The following NAALADL2 variants were observed in gnomAD, a reference collection of about 807,000 sequenced individuals.
NAALADL2 encodes inactive N-acetylated-alpha-linked acidic dipeptidase-like protein 2.
NAALADL2 carries 76 observed loss-of-function variants against 87.2 expected under a neutral mutation model. The ratio of observed to expected loss-of-function variants is 0.87; its 90% CI spans 0.72 to 1.05. The LOEUF is 1.05. NAALADL2 is among the 50% of genes least tolerant of loss of function. The probability of loss-of-function intolerance (pLI) is 0.00; values close to 1 mark genes in which losing one functional copy is unlikely to be tolerated. For synonymous variants in NAALADL2, 354 were observed against 331.0 expected (o/e 1.07, Z -0.75); for missense variants, 1,089 against 945.8 (o/e 1.15, Z -1.99).
At chr3:174,503,408 C>G (rs1240078426) in intron 1 of NAALADL2, among the ~76,000 whole-genome samples, 1 of 151,964 alleles carries the variant, frequency 6.6e-6, no homozygotes, top group Non-Finnish European at 1.5e-5. Flanking sequence ...TAAAACAACA[C>G]AAAAATTTTT....
intron 13 of NAALADL2, among the ~76,000 whole-genome samples, chr3:175,769,761 T>C (rs929472970): frequency 3.3e-5 from 5 of 152,050 alleles, no homozygotes; most frequent in African/African-American, 1.2e-4. Context: ...TCTCTGTGTG[T>C]GTCTGTGTGT....
intron 1 of NAALADL2, among the ~76,000 whole-genome samples, chr3:174,882,735 CTA>C (rs1224119604): frequency 2.2e-5 from 3 of 137,928 alleles, no homozygotes; most frequent in Non-Finnish European, 4.6e-5. Flanking sequence ...ATATGTGTAT[CTA>C]TGTGTATATA....
intron 6 of NAALADL2, among the ~76,000 whole-genome samples, chr3:175,457,685 A>ATT (rs763515080): frequency 0.11 from 14,367 of 131,430 alleles, 1,118 homozygotes; most frequent in East Asian, 0.24. Context: ...TGTCTGGCTA[A>ATT]TTTTTTTTTT....
chr3:175,225,375 C>T (rs145351603), intron 2 of NAALADL2, among the ~76,000 whole-genome samples: 269 of 152,082 alleles, frequency 1.8e-3, no homozygotes, highest in African/African-American at 5.7e-3. Context: ...ATTTCCTGAA[C>T]ATTGATTGTG....
chr3:174,649,118 C>T lies in NAALADL2; in HGVS notation c.-114-88523C>T, dbSNP rs530206962. Among the ~76,000 whole-genome samples, 1,130 of 152,142 alleles carry T rather than the reference C, an allele frequency of 7.4e-3. 6 individuals carry two copies. Among genetic ancestry groups the T allele is most frequent in the Middle Eastern group, 0.014 (4 of 294 alleles). On this transcript the variant is annotated intron_variant, in intron 2 of 3. Coordinates refer to the NAALADL2 transcript ENST00000434257. Reference sequence around the variant, plus strand: ...AGCTGGGATTACAGGCTCCTGCCACCGAGCCCAGCTAATTTTTGTATTTTT... The same window carrying T: ...AGCTGGGATTACAGGCTCCTGCCACTGAGCCCAGCTAATTTTTGTATTTTT...
Position 175,810,272 on chromosome 3 carries a change from A to C in NAALADL2, c.*7069A>C, listed in dbSNP as rs994663751. 1 of 152,000 alleles carries C rather than the reference A, an allele frequency of 6.6e-6. No individual in the cohort carries two copies. The highest frequency in any genetic ancestry group is 1.5e-5 in the Non-Finnish European group (1 of 67,962). The allele number at this position is 152,000 out of a possible 1,614,324, so 9.4% of individuals were successfully genotyped here. Reference sequence around the variant, plus strand: ...ATCACAATTTATTTTATAACTTTTTATGTGTTACTTACATGACTCAATATG... The same window carrying C: ...ATCACAATTTATTTTATAACTTTTTCTGTGTTACTTACATGACTCAATATG... On this transcript the variant is annotated 3_prime_UTR_variant, in exon 14 of 14. Transcript: ENST00000454872.
chr3:174,529,446 A>G (rs1238430415), intron 1 of NAALADL2, among the ~76,000 whole-genome samples: 2 of 152,076 alleles, frequency 1.3e-5, no homozygotes, highest in African/African-American at 4.8e-5. Context: ...CAGTGGATCT[A>G]CCATTCTGAG....
At chr3:175,331,010 T>G (rs1761328983) in intron 5 of NAALADL2, among the ~76,000 whole-genome samples, 1 of 152,238 alleles carries the variant, frequency 6.6e-6, no homozygotes, top group South Asian at 2.1e-4. Context: ...GGGGGACTAT[T>G]ATGAACAACT....
intron 2 of NAALADL2, among the ~76,000 whole-genome samples, chr3:174,682,434 C>G (rs1727632794): frequency 6.6e-6 from 1 of 152,142 alleles, no homozygotes; most frequent in Admixed American, 6.5e-5. Context: ...GCAGTGGTTA[C>G]CACAGGCCTT....
At chr3:174,704,081 C>A (rs562498642) in intron 2 of NAALADL2, among the ~76,000 whole-genome samples, 1 of 152,108 alleles carries the variant, frequency 6.6e-6, no homozygotes, top group Non-Finnish European at 1.5e-5. Context: ...CTAGGAGATA[C>A]GGAAGCTTTA....
intron 2 of NAALADL2, among the ~76,000 whole-genome samples, chr3:174,593,226 A>G (rs2108591047): frequency 6.6e-6 from 1 of 152,308 alleles, no homozygotes; most frequent in Non-Finnish European, 1.5e-5. Flanking sequence ...TATTCTTACT[A>G]TCAGCATAAA....
At chr3:174,564,018 G>A (rs1483672945) in intron 2 of NAALADL2, among the ~76,000 whole-genome samples, 1 of 152,098 alleles carries the variant, frequency 6.6e-6, no homozygotes, top group South Asian at 2.1e-4. Flanking sequence ...AACTTACAGC[G>A]TGCTGCACAG....
At chr3:175,567,106 G>A (rs1471107123) in intron 9 of NAALADL2, among the ~76,000 whole-genome samples, 3 of 152,076 alleles carry the variant, frequency 2.0e-5, no homozygotes, top group Non-Finnish European at 2.9e-5. Flanking sequence ...CTTTACTGGA[G>A]GTTTTTACTT....
intron 10 of NAALADL2, among the ~76,000 whole-genome samples, chr3:175,613,892 G>C (rs1205775623): frequency 6.6e-6 from 1 of 152,096 alleles, no homozygotes; most frequent in Non-Finnish European, 1.5e-5. Context: ...AGAATACAAG[G>C]ATTGACATAA....
At chr3:175,083,417 AT>A (rs1718266204) in intron 1 of NAALADL2, among the ~76,000 whole-genome samples, 1 of 152,206 alleles carries the variant, frequency 6.6e-6, no homozygotes, top group African/African-American at 2.4e-5. Flanking sequence ...ACCAACTTTT[AT>A]TCATCAGTTG....
chr3:174,554,599 A>C (rs1366064537), intron 2 of NAALADL2, among the ~76,000 whole-genome samples: 1 of 151,712 alleles, frequency 6.6e-6, no homozygotes, highest in Non-Finnish European at 1.5e-5. Context: ...TTTATTATTC[A>C]TTTAAAATAA....
At chr3:174,529,453 T>C (rs1721047011) in intron 1 of NAALADL2, among the ~76,000 whole-genome samples, 1 of 152,202 alleles carries the variant, frequency 6.6e-6, no homozygotes, top group Non-Finnish European at 1.5e-5. Context: ...TCTACCATTC[T>C]GAGGTCTGGA....
In NAALADL2 at chr3:175,230,162, T is replaced by A. The variant is rs1288062148; in HGVS notation, c.546-3769T>A. ...CTCCTACCACACACCTGCTCACACA[T>A]ACACACACATTCTCCAAATAAACAC... On this transcript the variant is annotated intron_variant, in intron 2 of 13. Transcript: ENST00000454872. Among the ~76,000 whole-genome samples the A allele has an allele frequency of 2.6e-5, 4 of 151,794 alleles. No homozygotes were observed. The South Asian group carries it at 6.2e-4, about 24-fold the overall frequency.
At chr3:175,600,610 T>C (rs1722843370) in intron 10 of NAALADL2, among the ~76,000 whole-genome samples, 1 of 133,568 alleles carries the variant, frequency 7.5e-6, no homozygotes, top group African/African-American at 2.7e-5. Context: ...CGATCTCGGC[T>C]CACTGCAAGC....
Sources: gnomAD v4.1 joint callset for allele counts (sites outside exome capture counted in the v4.1 genomes callset) on GRCh38, gnomAD v4.1.1 for gene constraint, MANE v1.5 for transcripts, NCBI Gene and HGNC (gene_info 2026-07-23, HGNC 2026-07-21) for gene names.